ELL: variants seen among roughly 807,000 people sequenced by gnomAD.
ELL encodes elongation factor for RNA polymerase II.
Under a neutral mutation model 64.0 loss-of-function variants are expected in ELL, and 18 were observed. That is an observed-to-expected ratio of 0.28 (90% CI 0.19 to 0.42). The LOEUF (loss-of-function observed/expected upper bound fraction) is 0.42. Ranked by LOEUF, ELL falls within the 10% of genes least tolerant of loss-of-function variation. The pLI, the probability that ELL is intolerant of heterozygous loss-of-function variation, is 1.00. For synonymous variants in ELL, 399 were observed against 376.2 expected, an observed-to-expected ratio of 1.06 and a Z score of -0.70; for missense variants, 797 against 870.4, an observed-to-expected ratio of 0.92 and a Z score of 1.06.
rs976850588 is a variant in ELL at position 18,442,751 on chromosome 19, T to C, written c.*2001A>G. 3.2e-5 allele frequency: 6 copies of C among 187,668 alleles called. No homozygotes were observed. The East Asian group carries it at 4.6e-4, about 14-fold the overall frequency. 11.6% of individuals were successfully genotyped at this position (187,668 alleles called of 1,614,324 possible). On this transcript the variant is annotated 3_prime_UTR_variant, in exon 12 of 12. Transcript: ENST00000262809. ...AAGGACACTAGATCTTTTAAGAAAA[T>C]ATCAGGAAACTGAAGACGCAGATAG...
At chr19:18,465,756 C>A (rs1974920746) in intron 3 of ELL, 41 bp downstream of exon 3, 2 of 1,424,290 alleles carry the variant, frequency 1.4e-6, no homozygotes, top group African/African-American at 2.9e-5. Flanking sequence ...AGGGTGACCT[C>A]AAGAGCCGGC....
At chr19:18,469,785 C>T (rs761476984) in intron 2 of ELL, among the ~76,000 whole-genome samples, 8 of 152,244 alleles carry the variant, frequency 5.3e-5, no homozygotes, top group Non-Finnish European at 1.0e-4. Context: ...CTTCCACCAC[C>T]GCTCAAGTCC....
intron 6 of ELL, among the ~76,000 whole-genome samples, 190 bp from the exon 7 acceptor site, chr19:18,451,838 A>G (rs1345312806): frequency 1.8e-4 from 28 of 152,122 alleles, no homozygotes; most frequent in Non-Finnish European, 1.5e-5. Flanking sequence ...CACCCAAAGG[A>G]GGACTTCCCC....
Position 18,465,878 on chromosome 19 carries a change from C to G in ELL, c.224G>C (p.Arg75Pro), listed in dbSNP as rs754797656. Residue 75 changes from arginine (R) to proline (P), a missense_variant, in exon 3 of 12, where the codon CGG becomes CCG. Transcript: ENST00000262809. ...GTTGGAGAGGTAGAAGGAGAACGTCCGCGCCTCTGCGGGGCAGTCAGGCTG... is the reference window on the plus strand; with the variant it reads ...GTTGGAGAGGTAGAAGGAGAACGTCGGCGCCTCTGCGGGGCAGTCAGGCTG... The part of the protein sequence containing the change: ...IPQPDCPAEA[R>P]TFSFYLSNIG... 7.5e-7 allele frequency: 1 copy of G among 1,332,018 alleles called. No homozygotes were observed. Among genetic ancestry groups the G allele is most frequent in the Admixed American group, 3.0e-5 (1 of 33,152 alleles). 82.5% of individuals were successfully genotyped at this position (1,332,018 alleles called of 1,614,324 possible). A position where few individuals can be genotyped will look rare whatever the true frequency, so the allele number is the denominator to read the frequency against.
At chr19:18,450,454 C>T (rs772701441) in intron 8 of ELL, 23 bp downstream of exon 8, 15 of 1,606,278 alleles carry the variant, frequency 9.3e-6, no homozygotes, top group South Asian at 2.2e-5. Flanking sequence ...GCCCCGGCAA[C>T]GCCCTCCTGC....
Position 18,486,165 on chromosome 19 carries a change from C to T in ELL, c.136-13283G>A, listed in dbSNP as rs1194288362. Among the ~76,000 whole-genome samples the T allele has an allele frequency of 2.6e-5, 4 of 152,236 alleles. No individual in the cohort carries two copies. In the East Asian group the frequency reaches 7.7e-4, roughly 29 times the overall value. ...CCCCCAGGCTGCCCTGCAGAGGGGG[C>T]TCCACCTCGGGTGGGAGCCCTGCAA... On this transcript the variant is annotated intron_variant, in intron 1 of 11. Coordinates refer to ENST00000262809, the MANE Select transcript of ELL (RefSeq NM_006532.4).
intron 1 of ELL, among the ~76,000 whole-genome samples, chr19:18,513,957 A>T (rs941725489): frequency 1.3e-5 from 2 of 151,968 alleles, no homozygotes; most frequent in Non-Finnish European, 2.9e-5. Flanking sequence ...AAAACAAAAA[A>T]ATCGGAATTC....
chr19:18,514,920 G>A (rs1568401950), intron 1 of ELL, among the ~76,000 whole-genome samples: 1 of 152,228 alleles, frequency 6.6e-6, no homozygotes, highest in African/African-American at 2.4e-5. Context: ...GGGCTACGTG[G>A]AGCAGAGAGG....
At chr19:18,468,245 A>AC (rs1568383983) in intron 2 of ELL, among the ~76,000 whole-genome samples, 1 of 132,676 alleles carries the variant, frequency 7.5e-6, no homozygotes, top group Admixed American at 7.3e-5. Flanking sequence ...CACACACACA[A>AC]ACACAATCCA....
At chr19:18,482,763 T>TTGTTG (rs1975329684) in intron 1 of ELL, among the ~76,000 whole-genome samples, 16 of 149,602 alleles carry the variant, frequency 1.1e-4, no homozygotes, top group Admixed American at 6.0e-4. Flanking sequence ...CTTTTTGGTT[T>TTGTTG]TTGTTGTTGT....
In ELL at chr19:18,444,645, G is replaced by A; in HGVS notation, c.*107C>T. 1 of 1,270,634 alleles carries A rather than the reference G, an allele frequency of 7.9e-7. No individual in the cohort carries two copies. Among genetic ancestry groups the A allele is most frequent in the African/African-American group, 1.5e-5 (1 of 66,900 alleles). The allele number at this position is 1,270,634 out of a possible 1,614,324, so 78.7% of individuals were successfully genotyped here. On this transcript the variant is annotated 3_prime_UTR_variant, in exon 12 of 12. Coordinates refer to ENST00000262809, the MANE Select transcript of ELL (RefSeq NM_006532.4). Reference sequence around the variant, plus strand: ...AGGGGCTGCCCTGAAAGCCGGCGGTGCTGGCTCAGATGAGCATCTTCCTCG... The same window carrying A: ...AGGGGCTGCCCTGAAAGCCGGCGGTACTGGCTCAGATGAGCATCTTCCTCG...
intron 1 of ELL, among the ~76,000 whole-genome samples, chr19:18,498,510 C>A (rs1284282724): frequency 1.3e-5 from 2 of 152,212 alleles, no homozygotes; most frequent in Non-Finnish European, 2.9e-5. Context: ...TCCTGGATTT[C>A]TATGATTCTG....
intron 1 of ELL, among the ~76,000 whole-genome samples, chr19:18,508,139 GT>G (rs1975924937): frequency 6.6e-6 from 1 of 152,164 alleles, no homozygotes. Flanking sequence ...AACATTTTGA[GT>G]TTGCATGAGA....
intron 1 of ELL, among the ~76,000 whole-genome samples, chr19:18,473,807 C>T (rs1356656902): frequency 6.6e-6 from 1 of 152,140 alleles, no homozygotes; most frequent in East Asian, 1.9e-4. Context: ...CCAAACCCAC[C>T]CCTGCACCAC....
intron 6 of ELL, among the ~76,000 whole-genome samples, chr19:18,453,323 A>G (rs1323207481): frequency 1.3e-5 from 2 of 152,252 alleles, no homozygotes; most frequent in South Asian, 2.1e-4. Flanking sequence ...GTGTCCTTGG[A>G]AAAACAAAAG....
chr19:18,472,721 C>G, intron 2 of ELL, 114 bp downstream of exon 2: 1 of 1,306,262 alleles, frequency 7.7e-7, no homozygotes, highest in Non-Finnish European at 1.1e-6. Context: ...TGCATGGTGG[C>G]AGACAGGGCC....
intron 1 of ELL, among the ~76,000 whole-genome samples, chr19:18,507,062 G>A (rs1056406474): frequency 1.3e-5 from 2 of 152,218 alleles, no homozygotes; most frequent in Admixed American, 6.5e-5. Flanking sequence ...AGATGAGCTG[G>A]ACACAGGCTG....
chr19:18,470,654 T>TA (rs1568384802), intron 2 of ELL, among the ~76,000 whole-genome samples: 1 of 152,108 alleles, frequency 6.6e-6, no homozygotes, highest in Admixed American at 6.5e-5. Context: ...GCCCTGGAGG[T>TA]ACTCTGTGGA....
At chr19:18,452,481 G>A (rs192806927) in intron 6 of ELL, among the ~76,000 whole-genome samples, 25 of 152,376 alleles carry the variant, frequency 1.6e-4, no homozygotes, top group African/African-American at 5.1e-4. Flanking sequence ...ACAGGCATTT[G>A]CATCCACTGG....
Sources: allele counts gnomAD v4.1 joint callset (sites outside exome capture counted in the v4.1 genomes callset), GRCh38; gene constraint gnomAD v4.1.1; transcripts MANE v1.5; gene names NCBI Gene and HGNC (gene_info 2026-07-23, HGNC 2026-07-21).